Variants in CALD1 observed in about 807,000 individuals in gnomAD.
CALD1 encodes caldesmon.
Under a neutral mutation model 99.9 loss-of-function variants are expected in CALD1, and 33 were observed. The observed-to-expected ratio is 0.33, with a 90% CI of 0.25 to 0.44. CALD1 has a LOEUF of 0.44. Ranked by LOEUF, CALD1 falls within the 20% of genes least tolerant of loss-of-function variation. The pLI, the probability that CALD1 is intolerant of heterozygous loss-of-function variation, is 1.00. For synonymous variants in CALD1, 310 were observed against 325.0 expected, an observed-to-expected ratio of 0.95 and a Z score of 0.50; for missense variants, 861 against 962.1, an observed-to-expected ratio of 0.89 and a Z score of 1.39.
upstream of CALD1, among the ~76,000 whole-genome samples, chr7:134,776,049 C>T (rs532575493): frequency 6.6e-6 from 1 of 152,256 alleles, no homozygotes; most frequent in South Asian, 2.1e-4. Context: ...TTTATAGATC[C>T]TCTCAAATTC....
At chr7:134,885,854 C>T (rs1046306998) in intron 3 of CALD1, among the ~76,000 whole-genome samples, 3 of 151,874 alleles carry the variant, frequency 2.0e-5, no homozygotes, top group Non-Finnish European at 4.4e-5. Context: ...TTATTATTAT[C>T]GTTTTCACCG....
chr7:134,873,681 G>A (rs1801211752), intron 3 of CALD1, among the ~76,000 whole-genome samples: 1 of 152,030 alleles, frequency 6.6e-6, no homozygotes, highest in Admixed American at 6.6e-5. Flanking sequence ...TTTAGCACTG[G>A]GCAGCTATAG....
chr7:134,936,654 A>G (rs1360057492), intron 6 of CALD1, among the ~76,000 whole-genome samples: 1 of 152,240 alleles, frequency 6.6e-6, no homozygotes, highest in Non-Finnish European at 1.5e-5. Flanking sequence ...TAAACAGAGA[A>G]ATCCATATTT....
At chr7:134,833,227 A>AT (rs943110121) in intron 1 of CALD1, among the ~76,000 whole-genome samples, 2 of 152,034 alleles carry the variant, frequency 1.3e-5, no homozygotes, top group African/African-American at 2.4e-5. Context: ...TTTTGGGGGG[A>AT]TTTTTTTGGC....
At chr7:134,753,033 C>CA (rs11312377) in intron 1 of CALD1, among the ~76,000 whole-genome samples, 67 of 135,752 alleles carry the variant, frequency 4.9e-4, no homozygotes, top group Non-Finnish European at 6.1e-4. Context: ...CAAAAAAAAA[C>CA]AAAAAAAAAA....
rs1213759783 is a variant in CALD1 at position 134,800,019 on chromosome 7, A to G, written c.-130+20270A>G. ...AAAAAGGCAGAATTAGTTAACCTATAGAGGAATATATCCTTAGGTGGTATA... is the reference window on the plus strand; with the variant it reads ...AAAAAGGCAGAATTAGTTAACCTATGGAGGAATATATCCTTAGGTGGTATA... On this transcript the variant is annotated intron_variant, in intron 1 of 14. Coordinates refer to ENST00000361675, the MANE Select transcript of CALD1 (RefSeq NM_033138.4). 2.0e-5 allele frequency among the ~76,000 whole-genome samples: 3 copies of G among 152,230 alleles called. No individual in the cohort carries two copies. In the East Asian group the frequency reaches 5.8e-4, roughly 29 times the overall value.
chr7:134,907,343 T>C (rs1300471029), intron 3 of CALD1, among the ~76,000 whole-genome samples: 3 of 151,570 alleles, frequency 2.0e-5, no homozygotes, highest in Non-Finnish European at 4.4e-5. Context: ...CAGAGCATAG[T>C]AGAGAAAGTA....
At chr7:134,967,718 GA>G (rs1008458761) in intron 14 of CALD1, among the ~76,000 whole-genome samples, 1 of 151,730 alleles carries the variant, frequency 6.6e-6, no homozygotes, top group Non-Finnish European at 1.5e-5. Context: ...GCTTAAAAAT[GA>G]AAAAAACAAA....
intron 2 of CALD1, among the ~76,000 whole-genome samples, chr7:134,853,501 T>G (rs1248436887): frequency 6.6e-6 from 1 of 152,128 alleles, no homozygotes; most frequent in Non-Finnish European, 1.5e-5. Context: ...ATCGTTCCTG[T>G]AGTTCTCTCT....
chr7:134,928,835 G>T lies in CALD1; in HGVS notation c.153G>T (p.Arg51=), dbSNP rs766571842. ...RRRRARQERL[R]QKQEEESLGQ... The stretch of plus-strand genomic sequence containing the variant: ...GCCGAGCCCGACAGGAACGGCTGCG[G>T]CAGAAGCAGGAGGAAGAATCCTTGG... The change falls in exon 4 of 15, where the codon CGG becomes CGT. Residue 51 remains arginine, a synonymous_variant. Transcript: ENST00000361675. The T allele has an allele frequency of 6.2e-7, 1 of 1,613,986 alleles. No individual in the cohort carries two copies. Among genetic ancestry groups the T allele is most frequent in the Non-Finnish European group, 8.5e-7 (1 of 1,179,924 alleles).
chr7:134,906,208 G>C (rs1367339036), intron 3 of CALD1, among the ~76,000 whole-genome samples: 3 of 152,096 alleles, frequency 2.0e-5, no homozygotes, highest in African/African-American at 7.2e-5. Flanking sequence ...GGGATTACAG[G>C]CATGAGCCAC....
At chr7:134,917,643 C>T (rs1804313761) in intron 3 of CALD1, among the ~76,000 whole-genome samples, 1 of 152,190 alleles carries the variant, frequency 6.6e-6, no homozygotes, top group African/African-American at 2.4e-5. Context: ...AGCCAGCACA[C>T]CAGGCCTATT....
At chr7:134,898,144 T>C (rs1802718801) in intron 3 of CALD1, among the ~76,000 whole-genome samples, 1 of 152,156 alleles carries the variant, frequency 6.6e-6, no homozygotes, top group South Asian at 2.1e-4. Flanking sequence ...GTCTGGATTC[T>C]GGTCTAACTC....
intron 2 of CALD1, among the ~76,000 whole-genome samples, chr7:134,854,590 G>A (rs377422165): frequency 1.3e-5 from 2 of 152,102 alleles, no homozygotes; most frequent in Admixed American, 6.5e-5. Context: ...AGGTCACGGC[G>A]GGATGGGCTA....
the CALD1 span, among the ~76,000 whole-genome samples, chr7:134,733,061 G>A: frequency 6.6e-6 from 1 of 152,178 alleles, no homozygotes; most frequent in East Asian, 1.9e-4. Flanking sequence ...GGACTGCAGG[G>A]GCCTCCAATA....
chr7:134,745,678 A>C (rs935446745), intron 1 of CALD1: 1 of 152,194 alleles, frequency 6.6e-6, no homozygotes, highest in African/African-American at 2.4e-5. Flanking sequence ...CTCTCTGATA[A>C]ATTTTCCCTG....
intron 11 of CALD1, among the ~76,000 whole-genome samples, chr7:134,958,704 T>C (rs1807977599): frequency 6.6e-6 from 1 of 151,728 alleles, no homozygotes; most frequent in Non-Finnish European, 1.5e-5. Flanking sequence ...CCCCCAATAG[T>C]GTCAGAATAT....
intron 3 of CALD1, among the ~76,000 whole-genome samples, chr7:134,914,209 A>G (rs1377514640): frequency 1.3e-5 from 2 of 152,220 alleles, no homozygotes. Flanking sequence ...AAGTGAGTTC[A>G]AAACAGTGGA....
chr7:134,798,321 T>C (rs1488513465), intron 1 of CALD1, among the ~76,000 whole-genome samples: 2 of 152,354 alleles, frequency 1.3e-5, no homozygotes, highest in East Asian at 3.9e-4. Context: ...CTTGAGACCG[T>C]TAGCAGATTG....
Sources: gnomAD v4.1 joint callset for allele counts (sites outside exome capture counted in the v4.1 genomes callset) on GRCh38, gnomAD v4.1.1 for gene constraint, MANE v1.5 for transcripts, NCBI Gene and HGNC (gene_info 2026-07-23, HGNC 2026-07-21) for gene names.